The following CDH18 variants were observed in gnomAD, a reference collection of about 807,000 sequenced individuals.
CDH18 encodes cadherin 18.
Under a neutral mutation model 67.9 loss-of-function variants are expected in CDH18, and 31 were observed. The observed-to-expected ratio is 0.46, with a 90% CI of 0.34 to 0.62. CDH18 has a LOEUF of 0.62. CDH18 is among the 20% of genes least tolerant of loss of function. The pLI, the probability that CDH18 is intolerant of heterozygous loss-of-function variation, is 0.01. For missense variants in CDH18, 890 were observed against 975.5 expected (o/e 0.91, Z 1.17); for synonymous variants, 362 against 347.2 (o/e 1.04, Z -0.48).
rs553696254 is a variant in CDH18, at chr5:20,429,769, A to G, written c.-580+145693T>C. 5.3e-5 allele frequency among the ~76,000 whole-genome samples: 8 copies of G among 152,332 alleles called. No homozygotes were observed. In the South Asian group the frequency reaches 1.4e-3, roughly 28 times the overall value. ...TTCAAACATTAAAGTAAAGGGAAAT[A>G]GCAAATAAGGAAACCTCAGGTAATA... is the stretch of plus-strand genomic sequence containing the variant. On this transcript the variant is annotated intron_variant, in intron 1 of 14. Coordinates refer to the CDH18 transcript ENST00000507958.
chr5:20,281,417 T>TC (rs1655780655), intron 1 of CDH18, among the ~76,000 whole-genome samples: 1 of 152,182 alleles, frequency 6.6e-6, no homozygotes, highest in Admixed American at 6.5e-5. Flanking sequence ...GTTTCAGCTT[T>TC]CTACATATGG....
chr5:19,648,409 G>A (rs1318721575), intron 5 of CDH18, among the ~76,000 whole-genome samples: 1 of 151,736 alleles, frequency 6.6e-6, no homozygotes, highest in East Asian at 1.9e-4. Context: ...AGCACAATTT[G>A]GTCTCAATAA....
At chr5:19,776,825 T>G (rs891962583) in intron 3 of CDH18, among the ~76,000 whole-genome samples, 1 of 152,122 alleles carries the variant, frequency 6.6e-6, no homozygotes, top group African/African-American at 2.4e-5. Flanking sequence ...GTTTTCTCAT[T>G]TGAAAAGTAG....
chr5:20,257,524 T>C (rs924647454), intron 1 of CDH18, among the ~76,000 whole-genome samples: 1 of 152,102 alleles, frequency 6.6e-6, no homozygotes, highest in Non-Finnish European at 1.5e-5. Context: ...GTGCAGTTCA[T>C]AGAGCCCAAT....
intron 6 of CDH18, among the ~76,000 whole-genome samples, chr5:19,601,072 GA>G (rs2150066061): frequency 6.6e-6 from 1 of 152,152 alleles, no homozygotes; most frequent in East Asian, 1.9e-4. Context: ...CTCAACTAAG[GA>G]AAAAATAAAT....
intron 5 of CDH18, among the ~76,000 whole-genome samples, chr5:19,700,925 A>G (rs1413386066): frequency 2.0e-5 from 3 of 152,156 alleles, no homozygotes; most frequent in Non-Finnish European, 2.9e-5. Context: ...ATTTAAGTAA[A>G]CAAAGTGTGG....
intron 12 of CDH18, among the ~76,000 whole-genome samples, chr5:19,477,930 A>T (rs1229665602): frequency 6.6e-6 from 1 of 152,140 alleles, no homozygotes; most frequent in African/African-American, 2.4e-5. Flanking sequence ...ACATGTCTTT[A>T]GTCTAAAATA....
chr5:19,673,412 G>A (rs1759028174), intron 5 of CDH18, among the ~76,000 whole-genome samples: 1 of 151,864 alleles, frequency 6.6e-6, no homozygotes, highest in African/African-American at 2.4e-5. Flanking sequence ...TATAGTTCTA[G>A]ACTATATCCA....
chr5:19,860,919 C>T lies in CDH18; in HGVS notation c.-256-21677G>A, dbSNP rs549289177. Among the ~76,000 whole-genome samples the T allele has an allele frequency of 7.2e-5, 11 of 152,180 alleles. No homozygotes were observed. In the South Asian group the frequency reaches 2.3e-3, roughly 32 times the overall value. On this transcript the variant is annotated intron_variant, in intron 2 of 12. Coordinates refer to ENST00000382275, the MANE Select transcript of CDH18 (RefSeq NM_004934.5). ...TCACTCATAATTGTCTCTCTAAATA[C>T]CTCTAAGTTTGTCTAGTAAATTTTG...
At chr5:20,089,464 CT>C (rs1465978909) in intron 2 of CDH18, among the ~76,000 whole-genome samples, 6 of 152,076 alleles carry the variant, frequency 3.9e-5, no homozygotes, top group African/African-American at 1.4e-4. Flanking sequence ...TGAAATATAT[CT>C]GTTTAAATAT....
chr5:20,131,579 G>GT (rs1488388774), intron 2 of CDH18, among the ~76,000 whole-genome samples: 1 of 152,058 alleles, frequency 6.6e-6, no homozygotes, highest in African/African-American at 2.4e-5. Flanking sequence ...AGTCTATTGT[G>GT]TATGTACATT....
intron 10 of CDH18, among the ~76,000 whole-genome samples, chr5:19,519,570 C>T (rs894378357): frequency 6.6e-6 from 1 of 152,188 alleles, no homozygotes; most frequent in Non-Finnish European, 1.5e-5. Flanking sequence ...TGTAATCCCT[C>T]TGCCTTCAGT....
intron 2 of CDH18, among the ~76,000 whole-genome samples, chr5:19,959,178 A>G (rs4866043): frequency 0.94 from 142,231 of 152,088 alleles, 66,670 homozygotes; most frequent in South Asian, 0.99. Flanking sequence ...TGAGAAGGGA[A>G]ACAGAGAGTC....
intron 12 of CDH18, among the ~76,000 whole-genome samples, chr5:19,475,853 A>G (rs538115317): frequency 6.6e-6 from 1 of 152,194 alleles, no homozygotes; most frequent in East Asian, 1.9e-4. Flanking sequence ...TCTGATAAAG[A>G]ACATACTTTC....
chr5:19,640,993 A>C (rs1021633279), intron 5 of CDH18, among the ~76,000 whole-genome samples: 1 of 151,960 alleles, frequency 6.6e-6, no homozygotes, highest in African/African-American at 2.4e-5. Flanking sequence ...AAAAAAGGAG[A>C]TGCTACAATG....
intron 4 of CDH18, among the ~76,000 whole-genome samples, chr5:19,744,636 T>A (rs1769733717): frequency 6.6e-6 from 1 of 152,086 alleles, no homozygotes; most frequent in Admixed American, 6.6e-5. Flanking sequence ...TATTTTCAAT[T>A]TCAACTGTTG....
intron 2 of CDH18, among the ~76,000 whole-genome samples, chr5:20,135,827 T>C (rs1749666181): frequency 6.6e-6 from 1 of 152,240 alleles, no homozygotes; most frequent in Non-Finnish European, 1.5e-5. Flanking sequence ...ACATCTTTAT[T>C]TCTGCCTTCA....
chr5:19,684,609 C>T (rs1405905389), intron 5 of CDH18, among the ~76,000 whole-genome samples: 1 of 151,156 alleles, frequency 6.6e-6, no homozygotes. Context: ...GAGTCTTCTA[C>T]ATTTTTTAGA....
At chr5:19,884,302 T>C (rs1361284343) in intron 2 of CDH18, among the ~76,000 whole-genome samples, 2 of 152,110 alleles carry the variant, frequency 1.3e-5, no homozygotes, top group Admixed American at 6.6e-5. Context: ...GTTGATTCTC[T>C]GAGGTAAACT....
Sources: allele counts gnomAD v4.1 joint callset (sites outside exome capture counted in the v4.1 genomes callset), GRCh38; gene constraint gnomAD v4.1.1; transcripts MANE v1.5; gene names NCBI Gene and HGNC (gene_info 2026-07-23, HGNC 2026-07-21).